The following SHISA9 variants were observed in gnomAD, a reference collection of about 807,000 sequenced individuals.
The protein encoded by SHISA9 is protein shisa-9.
Under a neutral mutation model 38.0 loss-of-function variants are expected in SHISA9, and 13 were observed. The observed-to-expected ratio is 0.34, with a 90% confidence interval of 0.22 to 0.54. SHISA9 has a LOEUF of 0.54. SHISA9 is among the 20% of genes least tolerant of loss of function. SHISA9 has a pLI of 0.91. For missense variants in SHISA9, 538 were observed against 575.8 expected, an observed-to-expected ratio of 0.93 and a Z score of 0.67; for synonymous variants, 275 against 242.0, an observed-to-expected ratio of 1.14 and a Z score of -1.27.
At chr16:13,187,463 T>C (rs1338494964) in intron 2 of SHISA9, among the ~76,000 whole-genome samples, 1 of 150,732 alleles carries the variant, frequency 6.6e-6, no homozygotes, top group African/African-American at 2.4e-5. Flanking sequence ...GCCTCCTGAA[T>C]AGTTGGAACT....
rs925020167 is a variant in SHISA9, at chr16:13,052,959, CTTTTTTTTT to C, written c.691+136158_691+136166del. ...CTTTAGGATCCCCTTTCCTTCCTTT[CTTTTTTTTT>C]TTTTTTTTTTTTTGAGGCAGAGTCT... On this transcript the variant is annotated intron_variant, in intron 2 of 4. Coordinates refer to ENST00000558583, the MANE Select transcript of SHISA9 (RefSeq NM_001145204.3). Among the ~76,000 whole-genome samples the C allele has an allele frequency of 5.3e-3, 567 of 106,072 alleles. 5 individuals carry two copies. The highest frequency in any genetic ancestry group is 0.02 in the African/African-American group (532 of 26,190). 69.6% of individuals were successfully genotyped at this position (106,072 alleles called of 152,430 possible).
At chr16:13,313,642 A>T in the SHISA9 span, among the ~76,000 whole-genome samples, 4 of 152,242 alleles carry the variant, frequency 2.6e-5, no homozygotes, top group African/African-American at 9.6e-5. Context: ...ATTGTTTATG[A>T]ATAGTCTGTA....
chr16:13,049,748 A>G (rs11075180), intron 2 of SHISA9, among the ~76,000 whole-genome samples: 94,891 of 151,852 alleles, frequency 0.62, 30,337 homozygotes, highest in Middle Eastern at 0.75. Context: ...AGTGCTGTCA[A>G]AATGCCCTGA....
intron 2 of SHISA9, among the ~76,000 whole-genome samples, chr16:13,178,327 T>G (rs927987794): frequency 1.2e-3 from 143 of 124,016 alleles, no homozygotes; most frequent in African/African-American, 4.8e-3. Flanking sequence ...TCTCTCTGGG[T>G]TTTTTTTTTT....
At chr16:13,275,814 C>G in the SHISA9 span, among the ~76,000 whole-genome samples, 3 of 151,982 alleles carry the variant, frequency 2.0e-5, no homozygotes, top group Non-Finnish European at 4.4e-5. Context: ...AAAATAACCT[C>G]TCTTTCCTTC....
chr16:13,072,627 T>C (rs2073531611), intron 2 of SHISA9, among the ~76,000 whole-genome samples: 1 of 152,108 alleles, frequency 6.6e-6, no homozygotes, highest in Non-Finnish European at 1.5e-5. Context: ...CAGTCAAAAG[T>C]CTTATTTCCA....
chr16:13,250,279 G>C, the SHISA9 span, among the ~76,000 whole-genome samples: 1 of 152,164 alleles, frequency 6.6e-6, no homozygotes, highest in Non-Finnish European at 1.5e-5. Context: ...TTTACTTAAA[G>C]CTTAGGGGTG....
In SHISA9 at chr16:13,235,979, C is replaced by G. The variant is rs559037636; in HGVS notation, c.*570C>G. ...TAATTCCAAGAAGTGGTGACGTGGA[C>G]GTAAAATTTTGACGAGCATGAAACA... On this transcript the variant is annotated 3_prime_UTR_variant, in exon 5 of 5. Transcript: ENST00000558583. 2.0e-5 allele frequency: 3 copies of G among 152,294 alleles called. No homozygotes were observed. The East Asian group carries it at 5.8e-4, about 29-fold the overall frequency. 9.4% of individuals were successfully genotyped at this position (152,294 alleles called of 1,614,324 possible). A position where few individuals can be genotyped will look rare whatever the true frequency, so the allele number is the denominator to read the frequency against.
chr16:13,288,556 G>T, the SHISA9 span, among the ~76,000 whole-genome samples: 2 of 152,152 alleles, frequency 1.3e-5, no homozygotes, highest in Non-Finnish European at 2.9e-5. Context: ...AGCATTTTGG[G>T]AGGCTGAGGC....
the SHISA9 span, among the ~76,000 whole-genome samples, chr16:13,245,967 C>G: frequency 6.6e-6 from 1 of 152,122 alleles, no homozygotes; most frequent in Non-Finnish European, 1.5e-5. Flanking sequence ...AATGTCCTCC[C>G]TTCAACACAA....
At chr16:13,243,244 A>C (rs1465918426), downstream of SHISA9, among the ~76,000 whole-genome samples, 1 of 149,526 alleles carries the variant, frequency 6.7e-6, no homozygotes, top group Non-Finnish European at 1.5e-5. Flanking sequence ...CTGTCTCAAA[A>C]AAAAAAAAAG....
the SHISA9 span, among the ~76,000 whole-genome samples, chr16:13,271,440 G>C: frequency 6.6e-6 from 1 of 152,228 alleles, no homozygotes; most frequent in East Asian, 1.9e-4. Flanking sequence ...TTCAGCTTAA[G>C]GTTATTATGA....
intron 2 of SHISA9, among the ~76,000 whole-genome samples, chr16:12,951,260 C>CA (rs113668400): frequency 1.4e-4 from 17 of 120,594 alleles, no homozygotes; most frequent in African/African-American, 3.7e-4. Flanking sequence ...GGCAAAAAAG[C>CA]AAAAAAAAAG....
At chr16:13,021,981 T>G (rs2072861226) in intron 2 of SHISA9, among the ~76,000 whole-genome samples, 1 of 152,176 alleles carries the variant, frequency 6.6e-6, no homozygotes, top group Non-Finnish European at 1.5e-5. Context: ...ATCAAGGCTT[T>G]GGTGGGGCTG....
chr16:13,223,598 A>C (rs2051250497), intron 4 of SHISA9, among the ~76,000 whole-genome samples: 1 of 152,166 alleles, frequency 6.6e-6, no homozygotes, highest in African/African-American at 2.4e-5. Context: ...TTCAAAACCA[A>C]CACGTTGGTT....
In SHISA9 at chr16:13,065,718, C is replaced by T. The variant is rs1326905997; in HGVS notation, c.692-137676C>T. The stretch of plus-strand genomic sequence containing the variant: ...ACAGAGAAAGGAAAATAAAAGTTTC[C>T]GAACCAAGGTGTAAGTCCTTTGAAT... On this transcript the variant is annotated intron_variant, in intron 2 of 4. Transcript: ENST00000558583. Among the ~76,000 whole-genome samples the T allele has an allele frequency of 3.3e-5, 5 of 152,298 alleles. 1 individual carries two copies. Among genetic ancestry groups the T allele is most frequent in the South Asian group, 4.1e-4 (2 of 4,820 alleles).
the SHISA9 span, among the ~76,000 whole-genome samples, chr16:13,525,983 T>C: frequency 6.6e-6 from 1 of 152,254 alleles, no homozygotes; most frequent in African/African-American, 2.4e-5. Context: ...GCAGCAAGCA[T>C]ATGTTTTCCT....
the SHISA9 span, among the ~76,000 whole-genome samples, chr16:13,479,737 G>A: frequency 6.6e-6 from 1 of 152,308 alleles, no homozygotes; most frequent in South Asian, 2.1e-4. Flanking sequence ...GACCAGAAAT[G>A]ACGTCATGCA....
chr16:13,184,819 A>T (rs977861212), intron 2 of SHISA9, among the ~76,000 whole-genome samples: 9 of 152,184 alleles, frequency 5.9e-5, no homozygotes, highest in African/African-American at 2.2e-4. Context: ...GATGTACCAC[A>T]GTGTGTTTAT....
Sources: allele counts gnomAD v4.1 joint callset (sites outside exome capture counted in the v4.1 genomes callset), GRCh38; gene constraint gnomAD v4.1.1; transcripts MANE v1.5; gene names NCBI Gene and HGNC (gene_info 2026-07-23, HGNC 2026-07-21).